The following TAF2 variants were observed in gnomAD, a reference collection of about 807,000 sequenced individuals.
TAF2 encodes the protein transcription initiation factor TFIID subunit 2.
In TAF2, 61 loss-of-function variants were observed where a neutral mutation model predicts 138.5. The observed-to-expected ratio is 0.44, with a 90% CI of 0.36 to 0.54. The LOEUF (loss-of-function observed/expected upper bound fraction) is 0.54. TAF2 is among the 20% of genes least tolerant of loss of function. TAF2 has a pLI of 0.00. For missense variants in TAF2, 1,090 were observed against 1,427.9 expected, an observed-to-expected ratio of 0.76 and a Z score of 3.81; for synonymous variants, 475 against 469.9, an observed-to-expected ratio of 1.01 and a Z score of -0.14.
intron 20 of TAF2, 39 bp downstream of exon 20, chr8:119,760,556 GTTCT>G (rs1461670838): frequency 3.1e-6 from 5 of 1,603,284 alleles, no homozygotes; most frequent in Admixed American, 1.7e-5. Flanking sequence ...AAAGTAAATA[GTTCT>G]TTCTAAAATG....
intron 3 of TAF2, among the ~76,000 whole-genome samples, chr8:119,807,396 G>C (rs1157389496): frequency 6.6e-6 from 1 of 151,990 alleles, no homozygotes; most frequent in Non-Finnish European, 1.5e-5. Context: ...ACTTATATGT[G>C]TACATATACA....
At chr8:119,785,102 AT>A (rs899539765) in intron 15 of TAF2, 98 bp downstream of exon 15, 1 of 912,334 alleles carries the variant, frequency 1.1e-6, no homozygotes, top group Non-Finnish European at 1.8e-6. Context: ...TAAAGCACTC[AT>A]TTGGAGGACA....
At chr8:119,829,671 C>T (rs1391076126) in intron 2 of TAF2, among the ~76,000 whole-genome samples, 1 of 151,918 alleles carries the variant, frequency 6.6e-6, no homozygotes, top group African/African-American at 2.4e-5. Context: ...CATCCACAAC[C>T]CCTTTATAGC....
intron 25 of TAF2, among the ~76,000 whole-genome samples, chr8:119,741,066 C>T (rs1249039572): frequency 2.6e-5 from 4 of 152,002 alleles, no homozygotes; most frequent in South Asian, 2.1e-4. Context: ...CCAGTCTTCC[C>T]ATATGATGCC....
intron 22 of TAF2, among the ~76,000 whole-genome samples, chr8:119,754,660 G>A (rs979294928): frequency 2.0e-5 from 3 of 151,506 alleles, no homozygotes; most frequent in South Asian, 4.2e-4. Flanking sequence ...TCCAGCCTGG[G>A]TGACAGAGCA....
chr8:119,815,811 T>C (rs73705427), intron 3 of TAF2, among the ~76,000 whole-genome samples: 165 of 152,310 alleles, frequency 1.1e-3, no homozygotes, highest in African/African-American at 3.8e-3. Context: ...ACAAAATATA[T>C]GTCGAAAAAC....
intron 25 of TAF2, among the ~76,000 whole-genome samples, chr8:119,737,741 T>C (rs1819323914): frequency 6.6e-6 from 1 of 152,006 alleles, no homozygotes; most frequent in South Asian, 2.1e-4. Context: ...ACTCCTGACC[T>C]CAAATGATCC....
In TAF2 at chr8:119,823,763, C is replaced by T. The variant is rs188245336; in HGVS notation, c.139-4257G>A. ...AGAGGTTGGAACAGTTTAGATGGCT[C>T]AGAAGACAGGAAAATGCGGGAAAGT... is the stretch of plus-strand genomic sequence containing the variant. On this transcript the variant is annotated intron_variant, in intron 2 of 25. Transcript: ENST00000378164. Among the ~76,000 whole-genome samples the T allele has an allele frequency of 2.3e-3, 353 of 152,258 alleles. 1 individual carries two copies. Among genetic ancestry groups the T allele is most frequent in the African/African-American group, 8.1e-3 (338 of 41,548 alleles).
At chr8:119,762,884 T>C in intron 18 of TAF2, 1 of 255,268 alleles carries the variant, frequency 3.9e-6, no homozygotes, top group South Asian at 6.3e-5. Context: ...GTAGGAGTTC[T>C]AGCCAGAGAA....
At chr8:119,772,484 AT>A (rs1324926624) in intron 18 of TAF2, among the ~76,000 whole-genome samples, 2 of 152,188 alleles carry the variant, frequency 1.3e-5, no homozygotes, top group Non-Finnish European at 2.9e-5. Context: ...GGGTTGAAAA[AT>A]TACCTATTGG....
At chr8:119,736,669 T>C (rs993326829) in intron 25 of TAF2, among the ~76,000 whole-genome samples, 2 of 152,130 alleles carry the variant, frequency 1.3e-5, no homozygotes, top group African/African-American at 4.8e-5. Flanking sequence ...AGCTTACAAA[T>C]AAAAATGAAA....
At chr8:119,788,308 T>G (rs372977997) in intron 14 of TAF2, 30 bp downstream of exon 14, 351 of 1,576,440 alleles carry the variant, frequency 2.2e-4, no homozygotes, top group Middle Eastern at 3.3e-4. Flanking sequence ...TAGTTTAACT[T>G]TCAATTTATA....
chr8:119,804,979 T>C (rs570922513), intron 4 of TAF2, among the ~76,000 whole-genome samples: 1 of 152,180 alleles, frequency 6.6e-6, no homozygotes, highest in Non-Finnish European at 1.5e-5. Context: ...AAAAATGCAA[T>C]GACGACTTCC....
intron 6 of TAF2, among the ~76,000 whole-genome samples, chr8:119,799,948 T>C (rs1233103630): frequency 7.9e-5 from 12 of 152,242 alleles, no homozygotes; most frequent in East Asian, 5.8e-4. Context: ...CATAAATGTC[T>C]TCTTTTGAGA....
intron 3 of TAF2, among the ~76,000 whole-genome samples, 188 bp downstream of exon 3, chr8:119,819,158 T>C (rs1825670008): frequency 6.6e-6 from 1 of 152,136 alleles, no homozygotes; most frequent in African/African-American, 2.4e-5. Flanking sequence ...GGAAACTTAG[T>C]AACTACGTTG....
chr8:119,766,990 T>C (rs1475513680), intron 18 of TAF2: 3 of 152,296 alleles, frequency 2.0e-5, no homozygotes, highest in Non-Finnish European at 4.4e-5. Context: ...CACATACACA[T>C]ATGTGCACAC....
chr8:119,740,812 G>C (rs1819560030), intron 25 of TAF2, among the ~76,000 whole-genome samples: 1 of 152,006 alleles, frequency 6.6e-6, no homozygotes, highest in African/African-American at 2.4e-5. Context: ...CTACATTCTT[G>C]TAATATCACT....
At chr8:119,772,828 T>G (rs1821942009) in intron 18 of TAF2, among the ~76,000 whole-genome samples, 1 of 151,360 alleles carries the variant, frequency 6.6e-6, no homozygotes, top group Non-Finnish European at 1.5e-5. Flanking sequence ...TCCCAATTAC[T>G]CAGGAGGCTG....
chr8:119,771,095 A>G (rs971196632), intron 18 of TAF2, among the ~76,000 whole-genome samples: 3 of 152,096 alleles, frequency 2.0e-5, no homozygotes, highest in Middle Eastern at 3.2e-3. Flanking sequence ...ATAGAATGGC[A>G]TGTTGGATAA....
Sources: gnomAD v4.1 joint callset for allele counts (sites outside exome capture counted in the v4.1 genomes callset) on GRCh38, gnomAD v4.1.1 for gene constraint, MANE v1.5 for transcripts, NCBI Gene and HGNC (gene_info 2026-07-23, HGNC 2026-07-21) for gene names.